Variants in ARHGAP26 observed in about 807,000 individuals in gnomAD.
ARHGAP26 encodes Rho GTPase activating protein 26, also known as rho GTPase-activating protein 26.
Under a neutral mutation model 104.8 loss-of-function variants are expected in ARHGAP26, and 38 were observed. The ratio of observed to expected loss-of-function variants is 0.36; its 90% CI spans 0.28 to 0.48. ARHGAP26 has a LOEUF of 0.48. Among genes scored for constraint, ARHGAP26 ranks in the 20% least tolerant of loss-of-function variants. The probability of loss-of-function intolerance (pLI) is 0.99; values close to 1 mark genes in which losing one functional copy is unlikely to be tolerated. For synonymous variants in ARHGAP26, 341 were observed against 340.0 expected, an observed-to-expected ratio of 1.00 and a Z score of -0.03; for missense variants, 704 against 947.9, an observed-to-expected ratio of 0.74 and a Z score of 3.38.
At chr5:142,800,024 A>T (rs1245597706) in intron 1 of ARHGAP26, among the ~76,000 whole-genome samples, 1 of 152,216 alleles carries the variant, frequency 6.6e-6, no homozygotes, top group African/African-American at 2.4e-5. Flanking sequence ...CTTTTGACTC[A>T]TTGGTACAAA....
At chr5:143,115,355 AAACG>A (rs1433594275) in intron 17 of ARHGAP26, among the ~76,000 whole-genome samples, 23 of 54,256 alleles carry the variant, frequency 4.2e-4, no homozygotes, top group Non-Finnish European at 5.6e-4. Flanking sequence ...CAACAACAAA[AAACG>A]AAAGAAAGAA....
chr5:143,115,227 G>A (rs952370221), intron 17 of ARHGAP26, among the ~76,000 whole-genome samples: 24 of 151,868 alleles, frequency 1.6e-4, no homozygotes, highest in African/African-American at 3.9e-4. Flanking sequence ...CAGCTACTCC[G>A]GAGGCTGAGG....
At position 142,949,232 on chromosome 5, in the gene ARHGAP26, G is replaced by GGAGA. The variant is rs1554167353; in HGVS notation, c.1107+17129_1107+17132dup. ...GAGAGAGAGAGAGAGGAGAGAGAGA[G>GGAGA]GAGAGAGAGAGAGAGAGAGAGAGAG... On this transcript the variant is annotated intron_variant, in intron 11 of 22. Transcript: ENST00000645722. Among the ~76,000 whole-genome samples, 17 of 27,322 alleles carry GGAGA rather than the reference G, an allele frequency of 6.2e-4. 1 individual carries two copies. The highest frequency in any genetic ancestry group is 9.4e-4 in the Non-Finnish European group (16 of 16,974). The allele number at this position is 27,322 out of a possible 152,430, so 17.9% of individuals were successfully genotyped here. A position where few individuals can be genotyped will look rare whatever the true frequency, so the allele number is the denominator to read the frequency against.
chr5:143,034,849 C>T (rs754549254), intron 12 of ARHGAP26, among the ~76,000 whole-genome samples: 14 of 152,096 alleles, frequency 9.2e-5, no homozygotes, highest in South Asian at 4.1e-4. Context: ...ATGCCTGCCG[C>T]ATGAGTTGAG....
chr5:142,990,711 G>A (rs245718), intron 11 of ARHGAP26, among the ~76,000 whole-genome samples: 39,777 of 152,080 alleles, frequency 0.26, 5,662 homozygotes, highest in East Asian at 0.52. Flanking sequence ...GGTCTGTTGG[G>A]GTTCGCTGGA....
At chr5:142,953,127 A>C (rs575178556) in intron 11 of ARHGAP26, among the ~76,000 whole-genome samples, 39 of 152,200 alleles carry the variant, frequency 2.6e-4, no homozygotes, top group Non-Finnish European at 4.9e-4. Flanking sequence ...GCTTGACAAA[A>C]TGAACGCCCA....
chr5:142,824,487 T>A (rs201181325), intron 1 of ARHGAP26, among the ~76,000 whole-genome samples: 1 of 152,204 alleles, frequency 6.6e-6, no homozygotes, highest in African/African-American at 2.4e-5. Flanking sequence ...AGCAGCTGTA[T>A]AAGCTCCAGA....
intron 1 of ARHGAP26, among the ~76,000 whole-genome samples, chr5:142,784,472 A>C (rs1758142908): frequency 6.6e-6 from 1 of 152,170 alleles, no homozygotes; most frequent in Non-Finnish European, 1.5e-5. Flanking sequence ...AGATAACTTA[A>C]ATTTTGCTTG....
At chr5:142,923,237 T>C (rs1244401427) in intron 10 of ARHGAP26, among the ~76,000 whole-genome samples, 2 of 152,160 alleles carry the variant, frequency 1.3e-5, no homozygotes, top group South Asian at 2.1e-4. Flanking sequence ...TGGTGAAATA[T>C]GGAGTTTTAT....
intron 12 of ARHGAP26, among the ~76,000 whole-genome samples, chr5:143,025,026 A>T (rs1175876928): frequency 1.3e-5 from 2 of 152,322 alleles, no homozygotes; most frequent in East Asian, 3.9e-4. Context: ...TAGGATGGAC[A>T]TCCTTTGCTC....
At chr5:142,821,706 G>A (rs1236031649) in intron 1 of ARHGAP26, among the ~76,000 whole-genome samples, 1 of 152,134 alleles carries the variant, frequency 6.6e-6, no homozygotes, top group African/African-American at 2.4e-5. Flanking sequence ...AGAAACACTT[G>A]GACTGAGTAA....
At chr5:143,041,275 A>G (rs1381344195) in intron 13 of ARHGAP26, among the ~76,000 whole-genome samples, 2 of 152,212 alleles carry the variant, frequency 1.3e-5, no homozygotes, top group Admixed American at 6.5e-5. Flanking sequence ...TTGGGTTGAA[A>G]TAAAGGTGGT....
intron 1 of ARHGAP26, among the ~76,000 whole-genome samples, chr5:142,872,219 G>A (rs1206312336): frequency 1.3e-5 from 2 of 151,934 alleles, no homozygotes; most frequent in Non-Finnish European, 2.9e-5. Flanking sequence ...ACAGAAAGGT[G>A]GAAAACACGA....
At chr5:143,138,374 G>A (rs912332918) in intron 19 of ARHGAP26, among the ~76,000 whole-genome samples, 4 of 152,192 alleles carry the variant, frequency 2.6e-5, no homozygotes, top group Non-Finnish European at 4.4e-5. Flanking sequence ...AGAGGAAAGG[G>A]AATGATGGGG....
chr5:142,914,010 G>A (rs1197082348), intron 10 of ARHGAP26, among the ~76,000 whole-genome samples: 1 of 152,162 alleles, frequency 6.6e-6, no homozygotes, highest in Non-Finnish European at 1.5e-5. Context: ...TCAAGATCAG[G>A]AATGCTAGCA....
intron 5 of ARHGAP26, among the ~76,000 whole-genome samples, chr5:142,890,161 T>C (rs1279391963): frequency 1.8e-5 from 1 of 57,090 alleles, no homozygotes; most frequent in Non-Finnish European, 3.3e-5. Flanking sequence ...AATATATATA[T>C]ATATATATAT....
At chr5:143,092,250 G>GCCTC (rs1389611392) in intron 17 of ARHGAP26, among the ~76,000 whole-genome samples, 1 of 141,470 alleles carries the variant, frequency 7.1e-6, no homozygotes, top group Admixed American at 7.7e-5. Context: ...TGCAAGCTCC[G>GCCTC]CCTCCCAGGT....
rs1186859865 is a variant in ARHGAP26 at position 142,900,315 on chromosome 5, ACC to A, written c.598-1619_598-1618del. 7.7e-3 allele frequency among the ~76,000 whole-genome samples: 1,175 copies of A among 152,298 alleles called. 14 individuals carry two copies. The highest frequency in any genetic ancestry group is 0.027 in the African/African-American group (1,119 of 41,560). On this transcript the variant is annotated intron_variant, in intron 6 of 22. Coordinates refer to ENST00000645722, the MANE Select transcript of ARHGAP26 (RefSeq NM_001135608.3). ...AGTCTCTAGTGACTCCATGGGGCTT[ACC>A]ACTCATTCACGGATTTATGTTAGGG...
At chr5:143,011,217 G>A (rs906218671) in intron 11 of ARHGAP26, among the ~76,000 whole-genome samples, 6 of 151,796 alleles carry the variant, frequency 4.0e-5, no homozygotes, top group African/African-American at 1.2e-4. Flanking sequence ...TCTTCCCAAG[G>A]AGGTACCCCT....
Sources: allele counts gnomAD v4.1 joint callset (sites outside exome capture counted in the v4.1 genomes callset), GRCh38; gene constraint gnomAD v4.1.1; transcripts MANE v1.5; gene names NCBI Gene and HGNC (gene_info 2026-07-23, HGNC 2026-07-21).